Variants in KANSL3 observed in about 807,000 individuals in gnomAD.
KANSL3 encodes NSL complex protein NSL3.
A neutral mutation model predicts 89.2 loss-of-function variants in KANSL3; 16 were observed. That is an observed-to-expected ratio of 0.18 (90% CI 0.12 to 0.27). The LOEUF (loss-of-function observed/expected upper bound fraction) is 0.27. Ranked by LOEUF, KANSL3 falls within the 10% of genes least tolerant of loss-of-function variation. The pLI is 1.00. For synonymous variants in KANSL3, 385 were observed against 419.7 expected (o/e 0.92, Z 1.01); for missense variants, 879 against 1,110.6 (o/e 0.79, Z 2.96).
intron 3 of KANSL3, among the ~76,000 whole-genome samples, chr2:96,626,219 AT>A (rs1336489644): frequency 6.6e-6 from 1 of 151,664 alleles, no homozygotes; most frequent in Non-Finnish European, 1.5e-5. Context: ...TATCTAAAGG[AT>A]TTTTTTTTAA....
At chr2:96,607,806 A>G (rs1282634903) in intron 14 of KANSL3, among the ~76,000 whole-genome samples, 1 of 152,086 alleles carries the variant, frequency 6.6e-6, no homozygotes, top group Non-Finnish European at 1.5e-5. Context: ...GCCTCTTCCC[A>G]GGCACCCCTA....
chr2:96,634,481 G>A (rs1401845077), intron 2 of KANSL3, among the ~76,000 whole-genome samples: 5 of 150,982 alleles, frequency 3.3e-5, no homozygotes, highest in African/African-American at 4.9e-5. Context: ...GCGCCATTGC[G>A]CTCCAGCCTG....
intron 3 of KANSL3, among the ~76,000 whole-genome samples, chr2:96,624,409 T>C (rs763436136): frequency 5.3e-5 from 8 of 152,244 alleles, no homozygotes; most frequent in Non-Finnish European, 5.9e-5. Flanking sequence ...AAGTAAGTTC[T>C]ACCTTATTTG....
At chr2:96,636,836 G>T in intron 2 of KANSL3, 85 bp downstream of exon 2, 1 of 1,161,112 alleles carries the variant, frequency 8.6e-7, no homozygotes. Context: ...ATCTCCCCCA[G>T]TCAATCCTGA....
chr2:96,636,888 G>A, intron 2 of KANSL3, 33 bp downstream of exon 2: 8 of 1,464,728 alleles, frequency 5.5e-6, no homozygotes, highest in Middle Eastern at 1.8e-4. Flanking sequence ...TGCCCAGTGA[G>A]GTTACCAGCA....
intron 3 of KANSL3, among the ~76,000 whole-genome samples, chr2:96,628,992 C>G (rs1485048680): frequency 2.6e-5 from 4 of 152,010 alleles, no homozygotes; most frequent in Non-Finnish European, 5.9e-5. Flanking sequence ...GAACAAAATC[C>G]TTCTCCATCA....
intron 2 of KANSL3, among the ~76,000 whole-genome samples, chr2:96,633,797 G>A (rs1014296185): frequency 1.3e-5 from 2 of 151,964 alleles, no homozygotes; most frequent in African/African-American, 4.8e-5. Flanking sequence ...TCCGGGAGGC[G>A]GAGGTTACCA....
intron 5 of KANSL3, 53 bp downstream of exon 5, chr2:96,619,306 A>T: frequency 1.3e-6 from 2 of 1,522,256 alleles, no homozygotes; most frequent in Non-Finnish European, 1.8e-6. Context: ...TCCTGAACCC[A>T]CAGGGGAGGA....
intron 18 of KANSL3, 73 bp from the exon 19 acceptor site, chr2:96,602,411 G>T: frequency 8.9e-7 from 1 of 1,123,696 alleles, no homozygotes; most frequent in Non-Finnish European, 1.3e-6. Context: ...AGGGCCCACA[G>T]CATATTATTA....
At chr2:96,606,848 AAGAG>A (rs1482967645) in intron 14 of KANSL3, 2 of 430,328 alleles carry the variant, frequency 4.6e-6, no homozygotes, top group Non-Finnish European at 4.2e-6. Context: ...AATACAAAGA[AAGAG>A]AGAGAAAAGA....
chr2:96,597,083 C>A (rs1423972370), intron 20 of KANSL3, among the ~76,000 whole-genome samples: 1 of 152,198 alleles, frequency 6.6e-6, no homozygotes, highest in Non-Finnish European at 1.5e-5. Flanking sequence ...TTGGTGTTCA[C>A]TTTTCTTTTT....
At chr2:96,620,897 G>A (rs2071143462) in intron 3 of KANSL3, among the ~76,000 whole-genome samples, 2 of 152,144 alleles carry the variant, frequency 1.3e-5, no homozygotes, top group Admixed American at 1.3e-4. Flanking sequence ...AGCTACTCGG[G>A]AGCCTGAGGT....
intron 2 of KANSL3, among the ~76,000 whole-genome samples, chr2:96,632,995 G>T (rs2073680906): frequency 2.6e-5 from 4 of 151,334 alleles, no homozygotes; most frequent in Admixed American, 2.6e-4. Context: ...AAATTACTGG[G>T]CACAAGGGCT....
At chr2:96,609,170 C>T (rs1558691288) in intron 12 of KANSL3, 106 bp from the exon 13 acceptor site, 5 of 1,017,476 alleles carry the variant, frequency 4.9e-6, no homozygotes, top group Non-Finnish European at 5.9e-6. Flanking sequence ...CTCTGGCATC[C>T]GCATGTGCCA....
intron 1 of KANSL3, 40 bp from the exon 2 acceptor site, chr2:96,637,225 C>CGG: frequency 1.3e-6 from 1 of 771,180 alleles, no homozygotes; most frequent in South Asian, 1.7e-5. Context: ...TTCCAATATC[C>CGG]TAAATTTCTC....
At chr2:96,598,146 G>C in intron 20 of KANSL3, 1 of 985,400 alleles carries the variant, frequency 1.0e-6, no homozygotes, top group Non-Finnish European at 1.2e-6. Context: ...CATGGCATCA[G>C]CAAACGAAGA....
At chr2:96,588,829 A>G (rs576709561), downstream of KANSL3, among the ~76,000 whole-genome samples, 2 of 152,286 alleles carry the variant, frequency 1.3e-5, no homozygotes, top group South Asian at 4.1e-4. Context: ...CCTGACCTCA[A>G]GTGATCTGCC....
At chr2:96,580,684 T>C in the KANSL3 span, among the ~76,000 whole-genome samples, 1 of 152,342 alleles carries the variant, frequency 6.6e-6, no homozygotes, top group African/African-American at 2.4e-5. Flanking sequence ...TGGTGCACTT[T>C]TATGCATATA....
rs1005948463 is a variant in KANSL3 at position 96,611,123 on chromosome 2, A to C, written c.1102T>G (p.Tyr368Asp). 3 of 1,613,884 alleles carry C rather than the reference A, an allele frequency of 1.9e-6. No individual in the cohort carries two copies. Among genetic ancestry groups the C allele is most frequent in the Non-Finnish European group, 2.5e-6 (3 of 1,179,776 alleles). Residue 368 changes from tyrosine (Y) to aspartate (D), a missense_variant, in exon 10 of 21, where the codon TAT becomes GAT. By Grantham distance (160) the Tyr-to-Asp change is radical. Coordinates refer to ENST00000431828, the MANE Select transcript of KANSL3 (RefSeq NM_001115016.3). Reference protein sequence around the residue: ...LVACHVSVMEYVTAVVCLGFP... With the variant: ...LVACHVSVMEDVTAVVCLGFP... The stretch of plus-strand genomic sequence containing the variant: ...CCAAGGCAGACAACTGCAGTGACAT[A>C]CTCCATTACTGACACCTGTAAATAA...
Sources: gnomAD v4.1 joint callset for allele counts (sites outside exome capture counted in the v4.1 genomes callset) on GRCh38, gnomAD v4.1.1 for gene constraint, MANE v1.5 for transcripts, NCBI Gene and HGNC (gene_info 2026-07-23, HGNC 2026-07-21) for gene names.